ABCA7: variants seen among roughly 807,000 people sequenced by gnomAD.
ABCA7 encodes the protein ATP binding cassette subfamily A member 7, also known as phospholipid-transporting ATPase ABCA7.
Under a neutral mutation model 227.6 loss-of-function variants are expected in ABCA7, and 261 were observed. The observed-to-expected ratio is 1.15, with a 90% confidence interval of 1.04 to 1.27. The LOEUF (loss-of-function observed/expected upper bound fraction) is 1.27. ABCA7 is among the 50% of genes most tolerant of loss of function. The pLI is 0.00. For synonymous variants in ABCA7, 1,488 were observed against 1,279.7 expected, an observed-to-expected ratio of 1.16 and a Z score of -3.47; for missense variants, 3,331 against 2,924.5, an observed-to-expected ratio of 1.14 and a Z score of -3.21.
intron 12 of ABCA7, 25 bp downstream of exon 12, chr19:1,045,256 G>A (rs545977293): frequency 3.5e-6 from 3 of 862,032 alleles, no homozygotes; most frequent in African/African-American, 1.7e-5. Context: ...GGGGCGGGGG[G>A]ATGAGGGACT....
In ABCA7 at chr19:1,063,642, C is replaced by T. The variant is rs1348301970; in HGVS notation, c.5811C>T (p.Ala1937=). The change falls in exon 43 of 47, where the codon GCC becomes GCT. Residue 1937 remains alanine (A), a synonymous_variant. Coordinates refer to ENST00000263094, the MANE Select transcript of ABCA7 (RefSeq NM_019112.4). ...GGAACAAACGCAAGCTGGCGACGGC[C>T]CTGGCGCTGGTTGGGGACCCAGCCG... ...SGGNKRKLAT[A]LALVGDPAVV... is the part of the protein sequence containing the mutation. 1.2e-6 allele frequency: 2 copies of T among 1,610,568 alleles called. No homozygotes were observed. The highest frequency in any genetic ancestry group is 2.2e-5 in the South Asian group (2 of 90,916).
chr19:1,060,245 A>C (rs2042570462), intron 40 of ABCA7, among the ~76,000 whole-genome samples: 1 of 145,814 alleles, frequency 6.9e-6, no homozygotes, highest in Non-Finnish European at 1.5e-5. Context: ...ATGGAGTCTC[A>C]CTGTCACCCA....
At chr19:1,051,748 G>T (rs184257525) in intron 21 of ABCA7, among the ~76,000 whole-genome samples, 162 bp downstream of exon 21, 1 of 152,264 alleles carries the variant, frequency 6.6e-6, no homozygotes, top group East Asian at 1.9e-4. Flanking sequence ...AGTAAGAGTT[G>T]GGGATAGACA....
rs1415086439 is a variant in ABCA7, at chr19:1,049,421, G to T, written c.2536G>T (p.Gly846Cys). The change falls in exon 18 of 47, where the codon GGC (glycine) becomes TGC (cysteine). Residue 846 changes from glycine (G) to cysteine (C), a missense_variant. Physicochemically the swap from Gly to Cys is radical, Grantham distance 159. Coordinates refer to ENST00000263094, the MANE Select transcript of ABCA7 (RefSeq NM_019112.4). ...CGCCTTCCTGGGCCACAACGGGGCC[G>T]GCAAGACCACCACCCTGTGAGCCCC... The part of the protein sequence containing the change: ...ITAFLGHNGA[G>C]KTTTLSILSG... 3 of 1,604,790 alleles carry T rather than the reference G, an allele frequency of 1.9e-6. No individual in the cohort carries two copies. Among genetic ancestry groups the T allele is most frequent in the South Asian group, 2.2e-5 (2 of 90,570 alleles).
rs145147192 is a variant in ABCA7, at chr19:1,053,465, G to A, written c.3357G>A (p.Glu1119=). ...GCAGCTTCGCCACACTCTTCCGAGA[G>A]CTAGACACGCGGCTGGCGGAGCTGA... ...HDGSFATLFR[E]LDTRLAELRL... is the part of the protein sequence containing the mutation. Residue 1119 remains glutamate (E), a synonymous_variant, in exon 24 of 47, where the codon GAG becomes GAA. Coordinates refer to ENST00000263094, the MANE Select transcript of ABCA7 (RefSeq NM_019112.4). 43 of 1,597,170 alleles carry A rather than the reference G, an allele frequency of 2.7e-5. No homozygotes were observed. Among genetic ancestry groups the A allele is most frequent in the Non-Finnish European group, 3.6e-5 (42 of 1,174,188 alleles).
rs368608996 is a variant in ABCA7 at position 1,043,339 on chromosome 19, G to A, written c.796G>A (p.Ala266Thr). 2.5e-5 allele frequency: 41 copies of A among 1,612,934 alleles called. No individual in the cohort carries two copies. The highest frequency in any genetic ancestry group is 3.3e-5 in the Admixed American group (2 of 60,010). Residue 266 changes from alanine to threonine, a missense_variant, in exon 9 of 47, where the codon GCC becomes ACC. Coordinates refer to ENST00000263094, the MANE Select transcript of ABCA7 (RefSeq NM_019112.4). The part of the protein sequence containing the change: ...SALPDSSLSP[A>T]CSELIGALDS... Reference sequence around the variant, plus strand: ...TCATGGCACCCCCATCCCAGGCCCCGCCTGCTCGGAGCTGATTGGAGCCCT... The same window carrying A: ...TCATGGCACCCCCATCCCAGGCCCCACCTGCTCGGAGCTGATTGGAGCCCT...
rs757852805 is a variant in ABCA7, at chr19:1,055,303, A to ACCTGTCT, written c.4158_4164dup (p.Asp1389ProfsTer3). ...GTGGTTCAGAACCTGACAGGCCGGA[A>ACCTGTCT]CCTGTCTGACTTCCTGGTCAAGACC... On this transcript the variant is annotated frameshift_variant, in exon 30 of 47. Coordinates refer to ENST00000263094, the MANE Select transcript of ABCA7 (RefSeq NM_019112.4). LOFTEE classifies it high-confidence loss of function. The ACCTGTCT allele has an allele frequency of 4.4e-6, 7 of 1,604,308 alleles. No homozygotes were observed. The Admixed American group carries it at 1.2e-4, about 27-fold the overall frequency.
chr19:1,052,169 G>A (rs550469273), intron 22 of ABCA7, 43 bp downstream of exon 22: 1 of 1,603,636 alleles, frequency 6.2e-7, no homozygotes, highest in Admixed American at 1.7e-5. Flanking sequence ...CCGGGACTCT[G>A]TTCAGCCCTG....
chr19:1,055,787 C>T, intron 30 of ABCA7, 120 bp from the exon 31 acceptor site: 2 of 1,060,852 alleles, frequency 1.9e-6, no homozygotes, highest in Non-Finnish European at 1.3e-6. Flanking sequence ...CAGGCAGGAG[C>T]CACCGCGCCC....
At chr19:1,061,434 C>G (rs757141085) in intron 40 of ABCA7, among the ~76,000 whole-genome samples, 3 of 147,316 alleles carry the variant, frequency 2.0e-5, no homozygotes, top group Non-Finnish European at 4.4e-5. Context: ...CCGTGGCTCA[C>G]GCCTGTAATC....
intron 38 of ABCA7, 21 bp from the exon 39 acceptor site, chr19:1,058,799 C>T (rs769855968): frequency 3.8e-6 from 6 of 1,593,630 alleles, no homozygotes; most frequent in Non-Finnish European, 5.1e-6. Context: ...TACTTTAAGC[C>T]CACAGATATT....
intron 23 of ABCA7, among the ~76,000 whole-genome samples, 166 bp from the exon 24 acceptor site, chr19:1,053,163 G>A (rs893449318): frequency 6.6e-6 from 1 of 152,236 alleles, no homozygotes; most frequent in Admixed American, 6.5e-5. Context: ...AAAGTGCTGG[G>A]ATTACAGGCG....
At chr19:1,057,534 T>G in intron 35 of ABCA7, 105 bp downstream of exon 35, 2 of 1,186,888 alleles carry the variant, frequency 1.7e-6, no homozygotes, top group East Asian at 4.7e-5. Context: ...GGAGAGGATA[T>G]GGAGGTCTGA....
intron 5 of ABCA7, 40 bp from the exon 6 acceptor site, chr19:1,042,275 C>A: frequency 6.3e-7 from 1 of 1,577,570 alleles, no homozygotes; most frequent in Non-Finnish European, 8.7e-7. Context: ...CTCAGACCAA[C>A]GTCCCCCCAG....
rs779882754 is a variant in ABCA7 at position 1,042,030 on chromosome 19, G to A, written c.303-34G>A. On this transcript the variant is annotated intron_variant, in intron 4 of 46. Coordinates refer to ENST00000263094, the MANE Select transcript of ABCA7 (RefSeq NM_019112.4). The stretch of plus-strand genomic sequence containing the variant: ...CAAACTCGGGGCTGCAGTGCCGGCC[G>A]GAACCCCGCCTCCTGCCCTCTCTCT... 189 of 1,582,868 alleles carry A rather than the reference G, an allele frequency of 1.2e-4. No individual in the cohort carries two copies. The Middle Eastern group carries it at 4.7e-3, about 39-fold the overall frequency.
chr19:1,050,063 G>A (rs1197379915), intron 18 of ABCA7, among the ~76,000 whole-genome samples: 1 of 145,802 alleles, frequency 6.9e-6, no homozygotes, highest in African/African-American at 2.6e-5. Flanking sequence ...CCCTCCCTGT[G>A]AGCAGTAATG....
rs111530618 is a variant in ABCA7, at chr19:1,054,462, T to G, written c.3727-108T>G. The G allele has an allele frequency of 4.8e-4, 743 of 1,559,378 alleles. No homozygotes were observed. Among genetic ancestry groups the G allele is most frequent in the Non-Finnish European group, 6.1e-4 (707 of 1,153,276 alleles). ...GTGTATTCCCAACCCAAAGCACATT[T>G]ATTGAGGGCACTGGGGAGCCATGGG... On this transcript the variant is annotated intron_variant, in intron 27 of 46. Coordinates refer to ENST00000263094, the MANE Select transcript of ABCA7 (RefSeq NM_019112.4). The surrounding 1 kb of genome is among the most constrained non-coding windows in gnomAD (Gnocchi z 4.8).
In ABCA7 at chr19:1,053,521, G is replaced by T. The variant is rs1184447359; in HGVS notation, c.3413G>T (p.Ser1138Ile). ...RLTGYGISDT[S>I]LEEIFLKVVE... is the part of the protein sequence containing the mutation. ...ACTGGCTACGGGATCTCCGACACCA[G>T]CCTCGAGGAGGTGTGAGGCCTGGGT... The change falls in exon 24 of 47, where the codon AGC becomes ATC. Residue 1138 changes from serine (S) to isoleucine (I), a missense_variant. Physicochemically the swap from Ser to Ile is moderately radical, Grantham distance 142. Coordinates refer to ENST00000263094, the MANE Select transcript of ABCA7 (RefSeq NM_019112.4). The T allele has an allele frequency of 6.4e-7, 1 of 1,564,958 alleles. No homozygotes were observed. The highest frequency in any genetic ancestry group is 8.6e-7 in the Non-Finnish European group (1 of 1,160,242).
Position 1,056,831 on chromosome 19 carries a change from C to T in ABCA7, c.4587-76C>T, listed in dbSNP as rs2042295352. On this transcript the variant is annotated intron_variant, in intron 33 of 46. Transcript: ENST00000263094. This position sits in a 1 kb window ranked among gnomAD's most constrained non-coding sequence, Gnocchi z 4.3. ...ACTGCCCCATAGACCTTTGTCCCAT[C>T]AATGGCGTGTTCAGCTCTGCTCTGA... is the stretch of plus-strand genomic sequence containing the variant. 1.6e-5 allele frequency: 24 copies of T among 1,486,074 alleles called. No homozygotes were observed. Among genetic ancestry groups the T allele is most frequent in the Non-Finnish European group, 1.8e-5 (20 of 1,085,764 alleles). The allele number at this position is 1,486,074 out of a possible 1,614,324, so 92.1% of individuals were successfully genotyped here. A position where few individuals can be genotyped will look rare whatever the true frequency, so the allele number is the denominator to read the frequency against.
Sources: gnomAD v4.1 joint callset for allele counts (sites outside exome capture counted in the v4.1 genomes callset) on GRCh38, gnomAD v4.1.1 for gene constraint, Gnocchi (gnomAD v3.1) non-coding constraint, MANE v1.5 for transcripts, NCBI Gene and HGNC (gene_info 2026-07-23, HGNC 2026-07-21) for gene names.